The following ACMSD variants were observed in gnomAD, a reference collection of about 807,000 sequenced individuals.
ACMSD encodes aminocarboxymuconate semialdehyde decarboxylase, also known as 2-amino-3-carboxymuconate-6-semialdehyde decarboxylase.
A neutral mutation model predicts 45.9 loss-of-function variants in ACMSD; 37 were observed. The observed-to-expected ratio is 0.81, with a 90% CI of 0.62 to 1.06. ACMSD has a LOEUF of 1.06. Among genes scored for constraint, ACMSD ranks in the 50% least tolerant of loss-of-function variants. The pLI, the probability that ACMSD is intolerant of heterozygous loss-of-function variation, is 0.00. For missense variants in ACMSD, 434 were observed against 420.9 expected (o/e 1.03, Z -0.27); for synonymous variants, 138 against 148.8 (o/e 0.93, Z 0.53).
chr2:134,847,797 T>C (rs2090481266), intron 2 of ACMSD, among the ~76,000 whole-genome samples: 1 of 152,200 alleles, frequency 6.6e-6, no homozygotes, highest in African/African-American at 2.4e-5. Context: ...CTCATCCTTT[T>C]TTATGGCTGT....
chr2:134,881,434 T>G (rs1689033016), intron 8 of ACMSD, among the ~76,000 whole-genome samples: 1 of 152,218 alleles, frequency 6.6e-6, no homozygotes, highest in African/African-American at 2.4e-5. Context: ...AGCAGAGATA[T>G]GATCTTGTCT....
At chr2:134,879,301 T>C (rs73962625) in intron 8 of ACMSD, among the ~76,000 whole-genome samples, 288 of 152,326 alleles carry the variant, frequency 1.9e-3, no homozygotes, top group African/African-American at 6.7e-3. Context: ...CATTCTCCTT[T>C]AAGCCTTTAC....
At chr2:134,876,494 A>G (rs562731364) in intron 8 of ACMSD, among the ~76,000 whole-genome samples, 1 of 152,264 alleles carries the variant, frequency 6.6e-6, no homozygotes, top group South Asian at 2.1e-4. Flanking sequence ...GCCTAGGCCT[A>G]CACAGGGTAA....
chr2:134,879,206 CCT>C (rs1376521107), intron 8 of ACMSD, among the ~76,000 whole-genome samples: 1 of 152,110 alleles, frequency 6.6e-6, no homozygotes, highest in African/African-American at 2.4e-5. Flanking sequence ...GTTGGGGACC[CCT>C]GTTGTAGTTG....
chr2:134,900,063 C>T (rs1334692087), intron 9 of ACMSD, among the ~76,000 whole-genome samples: 1 of 151,966 alleles, frequency 6.6e-6, no homozygotes, highest in Admixed American at 6.6e-5. Flanking sequence ...AATTTTGAAC[C>T]ATGCGAAGGT....
intron 1 of ACMSD, among the ~76,000 whole-genome samples, chr2:134,843,242 C>T (rs1451882185): frequency 6.6e-6 from 1 of 152,048 alleles, no homozygotes; most frequent in Non-Finnish European, 1.5e-5. Flanking sequence ...AGGGCACAAG[C>T]AAAGGAGAGG....
chr2:134,869,829 A>G (rs1688332405), intron 6 of ACMSD, among the ~76,000 whole-genome samples: 1 of 152,204 alleles, frequency 6.6e-6, no homozygotes, highest in African/African-American at 2.4e-5. Flanking sequence ...TCCAATTCAC[A>G]TTATGAACGT....
intron 8 of ACMSD, chr2:134,873,127 T>C (rs1688546637): frequency 6.1e-6 from 1 of 164,216 alleles, no homozygotes; most frequent in African/African-American, 2.4e-5. Flanking sequence ...AGTTGGGAAA[T>C]TGCGCTGGAC....
At chr2:134,879,186 T>C (rs1688905485) in intron 8 of ACMSD, among the ~76,000 whole-genome samples, 1 of 152,194 alleles carries the variant, frequency 6.6e-6, no homozygotes, top group Non-Finnish European at 1.5e-5. Context: ...TACCAGTCCA[T>C]GGCTCAGGGG....
intron 8 of ACMSD, among the ~76,000 whole-genome samples, chr2:134,885,224 T>A (rs1467811889): frequency 1.6e-5 from 2 of 125,728 alleles, no homozygotes; most frequent in African/African-American, 6.2e-5. Context: ...TATATTTATA[T>A]ATAATACATA....
rs753865704 is a variant in ACMSD, at chr2:134,845,200, CTT to C, written c.58-31_58-30del. On this transcript the variant is annotated intron_variant, in intron 1 of 9. Transcript: ENST00000356140. ...CCTTGATTGCAGCCTGGTCTTTGCT[CTT>C]TGACTCTAACTGTGCTTCTCCCCAC... 9.3e-6 allele frequency: 15 copies of C among 1,613,866 alleles called. No individual in the cohort carries two copies. The Admixed American group carries it at 1.5e-4, about 16-fold the overall frequency.
chr2:134,863,698 C>A (rs1008505058), intron 5 of ACMSD, 67 bp downstream of exon 5: 2 of 1,535,126 alleles, frequency 1.3e-6, no homozygotes, highest in Non-Finnish European at 1.8e-6. Context: ...CCGCTGGGTG[C>A]TGGCAGGGAG....
chr2:134,840,193 A>C lies in ACMSD; in HGVS notation c.57+1454A>C, dbSNP rs1041814892. Among the ~76,000 whole-genome samples the C allele has an allele frequency of 2.1e-4, 25 of 116,598 alleles. 2 individuals are homozygous for C. Among genetic ancestry groups the C allele is most frequent in the African/African-American group, 7.5e-4 (22 of 29,190 alleles). The allele number at this position is 116,598 out of a possible 152,430, so 76.5% of individuals were successfully genotyped here. On this transcript the variant is annotated intron_variant, in intron 1 of 9. Coordinates refer to ENST00000356140, the MANE Select transcript of ACMSD (RefSeq NM_138326.3). Reference sequence around the variant, plus strand: ...AAAAAAAAAAAAAAAAAAAAAAAAAACCACTAATTCCTCTGTTACAGCTTT... The same window carrying C: ...AAAAAAAAAAAAAAAAAAAAAAAAACCCACTAATTCCTCTGTTACAGCTTT...
At chr2:134,868,595 G>A (rs948064146) in intron 6 of ACMSD, among the ~76,000 whole-genome samples, 8 of 151,720 alleles carry the variant, frequency 5.3e-5, no homozygotes, top group Non-Finnish European at 1.0e-4. Context: ...TGGGATTACA[G>A]GGGTACAATG....
At chr2:134,884,238 T>C (rs959769907) in intron 8 of ACMSD, among the ~76,000 whole-genome samples, 7 of 152,320 alleles carry the variant, frequency 4.6e-5, no homozygotes, top group Admixed American at 2.6e-4. Context: ...CTGAGTGTGA[T>C]GTTCTGCAAT....
chr2:134,864,610 T>C (rs1377483186), intron 5 of ACMSD, among the ~76,000 whole-genome samples: 1 of 122,798 alleles, frequency 8.1e-6, no homozygotes, highest in Non-Finnish European at 1.6e-5. Context: ...ATTTAACCAA[T>C]CTGTAATTAA....
chr2:134,889,842 AAC>A (rs912455598), intron 8 of ACMSD, among the ~76,000 whole-genome samples: 1 of 152,080 alleles, frequency 6.6e-6, no homozygotes, highest in Non-Finnish European at 1.5e-5. Context: ...TATCAAAATA[AAC>A]AGTGATAATA....
intron 8 of ACMSD, among the ~76,000 whole-genome samples, chr2:134,885,376 TA>T (rs1224674205): frequency 9.4e-6 from 1 of 106,052 alleles, no homozygotes; most frequent in Admixed American, 1.4e-4. Flanking sequence ...ATATTATATA[TA>T]ATATATATGT....
chr2:134,850,371 C>T lies in ACMSD; in HGVS notation c.102+5094C>T, dbSNP rs111268614. ...GCAACCTCCATCTCCCAGGTTCAAG[C>T]GATTCTCCTGCCTCAGCCTCCCAAG... On this transcript the variant is annotated intron_variant, in intron 2 of 9. Transcript: ENST00000356140. 4.6e-3 allele frequency among the ~76,000 whole-genome samples: 692 copies of T among 151,562 alleles called. 1 individual carries two copies. Among genetic ancestry groups the T allele is most frequent in the Non-Finnish European group, 5.1e-3 (346 of 67,948 alleles).
Sources: allele counts gnomAD v4.1 joint callset (sites outside exome capture counted in the v4.1 genomes callset), GRCh38; gene constraint gnomAD v4.1.1; transcripts MANE v1.5; gene names NCBI Gene and HGNC (gene_info 2026-07-23, HGNC 2026-07-21).